CEP295NL: variants seen among roughly 807,000 people sequenced by gnomAD.
The protein encoded by CEP295NL is protein DDC8 homolog.
A neutral mutation model predicts 4.6 loss-of-function variants in CEP295NL; 3 were observed. The ratio of observed to expected loss-of-function variants is 0.65; its 90% CI spans 0.30 to 1.69. The LOEUF (loss-of-function observed/expected upper bound fraction) is 1.69, where lower values mean the gene tolerates loss of function less well. CEP295NL is among the 40% of genes most tolerant of loss of function. CEP295NL has a pLI of 0.10. For missense variants in CEP295NL, 719 were observed against 769.0 expected (o/e 0.93, Z 0.77); for synonymous variants, 295 against 312.2 (o/e 0.94, Z 0.58).
In CEP295NL at chr17:78,892,472, G is replaced by T. The variant is rs1466140934; in HGVS notation, c.45-13C>A. ...TTCCACAGCAAACCTACGAGGAAGG[G>T]AGCACAAGTGCAGCTTTCCAGATCG... On this transcript the variant is annotated splice_polypyrimidine_tract_variant and intron_variant, in intron 2 of 2. Transcript: ENST00000322630. 1 of 1,539,566 alleles carries T rather than the reference G, an allele frequency of 6.5e-7. No individual in the cohort carries two copies. The highest frequency in any genetic ancestry group is 2.5e-5 in the East Asian group (1 of 40,768).
At chr17:78,893,456 C>G (rs2069948321) in intron 2 of CEP295NL, among the ~76,000 whole-genome samples, 1 of 116,562 alleles carries the variant, frequency 8.6e-6, no homozygotes, top group African/African-American at 3.5e-5. Flanking sequence ...GCTGTGTGTG[C>G]AGGGGTGTGT....
intron 2 of CEP295NL, among the ~76,000 whole-genome samples, chr17:78,895,782 C>G (rs766402701): frequency 6.6e-6 from 1 of 152,076 alleles, no homozygotes; most frequent in Non-Finnish European, 1.5e-5. Context: ...GTGGTGAGGT[C>G]GGGGCTGCTG....
Position 78,894,104 on chromosome 17 carries a change from C to A in CEP295NL, c.45-1645G>T, listed in dbSNP as rs890228722. 2.0e-5 allele frequency among the ~76,000 whole-genome samples: 3 copies of A among 152,280 alleles called. No homozygotes were observed. In the East Asian group the frequency reaches 5.8e-4, roughly 29 times the overall value. ...AGAAAATACTGCATCTACATTACAG[C>A]TAACATTAACCGTGCAGGCTCCCCT... On this transcript the variant is annotated intron_variant, in intron 2 of 2. Coordinates refer to ENST00000322630, the MANE Select transcript of CEP295NL (RefSeq NM_001243540.2).
At position 78,891,772 on chromosome 17, in the gene CEP295NL, C is replaced by A. The variant is rs59666014; in HGVS notation, c.732G>T (p.Arg244Ser). Residue 244 changes from arginine to serine, a missense_variant, in exon 3 of 3, where the codon AGG becomes AGT. Physicochemically the swap from Arg to Ser is moderately radical, Grantham distance 110. Transcript: ENST00000322630. The surrounding 1 kb of genome is among the most constrained non-coding windows in gnomAD (Gnocchi z 4.5). ...GGGRCAIHPR[R>S]SKGADLERSN... ...ACCTTTCTAGGTCCGCCCCTTTGCT[C>A]CTCCGAGGATGGATGGCACAGCGGC... The A allele has an allele frequency of 1.7e-3, 2,616 of 1,551,206 alleles. 60 individuals carry two copies. In the East Asian group the frequency reaches 0.047, roughly 28 times the overall value.
chr17:78,893,201 ATG>A (rs1568000989), intron 2 of CEP295NL, among the ~76,000 whole-genome samples: 5 of 49,936 alleles, frequency 1.0e-4, no homozygotes, highest in Non-Finnish European at 1.5e-4. Context: ...GTGTGCAAGG[ATG>A]TGTGTGCATG....
In CEP295NL at chr17:78,892,433, C is replaced by T. The variant is rs567644419; in HGVS notation, c.71G>A (p.Cys24Tyr). ...TQFAVERCGFCGSSGPGAPLE... is the reference protein window; with the variant it reads ...TQFAVERCGFYGSSGPGAPLE... ...GGGCGCCCCCGGGCCTGAGGAGCCACAGAAGCCACAACGTTCCACAGCAAA... is the reference window on the plus strand; with the variant it reads ...GGGCGCCCCCGGGCCTGAGGAGCCATAGAAGCCACAACGTTCCACAGCAAA... The change falls in exon 3 of 3, where the codon TGT (cysteine) becomes TAT (tyrosine). Residue 24 changes from cysteine to tyrosine, a missense_variant. Transcript: ENST00000322630. The T allele has an allele frequency of 1.9e-6, 3 of 1,549,818 alleles. No individual in the cohort carries two copies. The East Asian group carries it at 7.3e-5, about 38-fold the overall frequency.
intron 2 of CEP295NL, among the ~76,000 whole-genome samples, chr17:78,895,662 A>G (rs995769099): frequency 6.6e-6 from 1 of 152,218 alleles, no homozygotes; most frequent in Non-Finnish European, 1.5e-5. Flanking sequence ...TGAGTCCACA[A>G]AAAGAAACCA....
intron 2 of CEP295NL, 38 bp from the exon 3 acceptor site, chr17:78,892,497 G>A (rs776803281): frequency 2.6e-5 from 39 of 1,511,046 alleles, no homozygotes; most frequent in Middle Eastern, 2.2e-4. Flanking sequence ...TTTCCAGATC[G>A]CTCCCAGGAG....
At chr17:78,900,375 G>A (rs1458096623) in intron 2 of CEP295NL, among the ~76,000 whole-genome samples, 5 of 151,960 alleles carry the variant, frequency 3.3e-5, no homozygotes, top group East Asian at 1.9e-4. Flanking sequence ...GTGAAACCTC[G>A]TCTCTACTAA....
At chr17:78,892,548 T>G (rs1250455042) in intron 2 of CEP295NL, 89 bp from the exon 3 acceptor site, 1 of 1,463,498 alleles carries the variant, frequency 6.8e-7, no homozygotes, top group Non-Finnish European at 9.0e-7. Flanking sequence ...GGATTCTCAC[T>G]GTGAGGACAG....
chr17:78,900,148 A>G (rs2070068173), intron 2 of CEP295NL: 1 of 152,214 alleles, frequency 6.6e-6, no homozygotes, highest in African/African-American at 2.4e-5. Flanking sequence ...GTGACCCCAG[A>G]ATGCAATTTG....
Position 78,890,955 on chromosome 17 carries a change from G to T in CEP295NL, c.1549C>A (p.Leu517Met), listed in dbSNP as rs2069881712. The change falls in exon 3 of 3, where the codon CTG (leucine) becomes ATG (methionine). Residue 517 changes from leucine to methionine, a missense_variant. Physicochemically the swap from Leu to Met is conservative, Grantham distance 15. Transcript: ENST00000322630. ...TGTTCCATTTGTTCAAGCGATTCCA[G>T]TTGTTTTTGTCTTCTCTGCTCCATC... ...AEMEQRRQKQ[L>M]ESLEQMEHPD... 2 of 1,551,088 alleles carry T rather than the reference G, an allele frequency of 1.3e-6. No individual in the cohort carries two copies. The highest frequency in any genetic ancestry group is 8.7e-7 in the Non-Finnish European group (1 of 1,147,126).
chr17:78,893,148 T>C (rs1478477858), intron 2 of CEP295NL, among the ~76,000 whole-genome samples: 2 of 141,332 alleles, frequency 1.4e-5, no homozygotes, highest in African/African-American at 5.4e-5. Context: ...TGTGCGTACA[T>C]GTGTGTGCAG....
In CEP295NL at chr17:78,896,649, G is replaced by A. The variant is rs1001733736; in HGVS notation, c.45-4190C>T. 1.3e-5 allele frequency among the ~76,000 whole-genome samples: 2 copies of A among 152,086 alleles called. No individual in the cohort carries two copies. Among genetic ancestry groups the A allele is most frequent in the East Asian group, 1.9e-4 (1 of 5,196 alleles). The stretch of plus-strand genomic sequence containing the variant: ...CCTGCCACCCCGAGCTGACAAGCCT[G>A]CCTTCTGCTGGCTGCCTTCAACCAC... On this transcript the variant is annotated intron_variant, in intron 2 of 2. Coordinates refer to ENST00000322630, the MANE Select transcript of CEP295NL (RefSeq NM_001243540.2). The surrounding 1 kb of genome is among the most constrained non-coding windows in gnomAD (Gnocchi z 4.4).
intron 2 of CEP295NL, chr17:78,899,301 C>G (rs1009021400): frequency 2.6e-5 from 4 of 153,396 alleles, no homozygotes; most frequent in African/African-American, 9.6e-5. Flanking sequence ...ACCCCCAGGC[C>G]TGCACCCCGT....
chr17:78,900,649 A>G (rs1239279472), intron 2 of CEP295NL, among the ~76,000 whole-genome samples: 2 of 152,194 alleles, frequency 1.3e-5, no homozygotes, highest in Non-Finnish European at 2.9e-5. Flanking sequence ...GACCTTATCA[A>G]TTCAAAGCTG....
At chr17:78,893,174 CAT>C (rs1415305318) in intron 2 of CEP295NL, among the ~76,000 whole-genome samples, 6 of 98,564 alleles carry the variant, frequency 6.1e-5, no homozygotes, top group South Asian at 7.2e-4. Context: ...TGTGTGCATA[CAT>C]GTGTGTGCAG....
chr17:78,899,011 T>C (rs1474088008), intron 2 of CEP295NL: 1 of 152,396 alleles, frequency 6.6e-6, no homozygotes, highest in Non-Finnish European at 1.5e-5. Flanking sequence ...GTGCTGGGAT[T>C]CCAGGCATGA....
At chr17:78,895,679 A>G (rs2069987841) in intron 2 of CEP295NL, among the ~76,000 whole-genome samples, 1 of 152,224 alleles carries the variant, frequency 6.6e-6, no homozygotes, top group African/African-American at 2.4e-5. Context: ...ACCAAAGCTC[A>G]GAGAGGTTGA....
Sources: allele counts gnomAD v4.1 joint callset (sites outside exome capture counted in the v4.1 genomes callset), GRCh38; gene constraint gnomAD v4.1.1; non-coding constraint Gnocchi (gnomAD v3.1); transcripts MANE v1.5; gene names NCBI Gene and HGNC (gene_info 2026-07-23, HGNC 2026-07-21).